FAM120B: variants seen among roughly 807,000 people sequenced by gnomAD.
The protein encoded by FAM120B is family with sequence similarity 120 member B, also known as constitutive coactivator of peroxisome proliferator-activated receptor gamma.
Under a neutral mutation model 96.3 loss-of-function variants are expected in FAM120B, and 83 were observed. The ratio of observed to expected loss-of-function variants is 0.86; its 90% CI spans 0.72 to 1.03. The LOEUF is 1.03. FAM120B is among the 50% of genes least tolerant of loss of function. The pLI, the probability that FAM120B is intolerant of heterozygous loss-of-function variation, is 0.00. For missense variants in FAM120B, 1,027 were observed against 1,121.2 expected (o/e 0.92, Z 1.20); for synonymous variants, 407 against 402.7 (o/e 1.01, Z -0.13).
intron 4 of FAM120B, among the ~76,000 whole-genome samples, chr6:170,334,547 G>GGTGTGTGTGT (rs10560646): frequency 1.5e-4 from 22 of 149,794 alleles, no homozygotes; most frequent in East Asian, 1.2e-3. Context: ...AAAGGAAGCT[G>GGTGTGTGTGT]GTGTGTGTGT....
At position 170,318,927 on chromosome 6, in the gene FAM120B, G is replaced by A. The variant is rs766907261; in HGVS notation, c.1537G>A (p.Asp513Asn). Residue 513 changes from aspartate to asparagine, a missense_variant, in exon 2 of 11, where the codon GAT (aspartate) becomes AAT (asparagine). Physicochemically the swap from Asp to Asn is conservative, Grantham distance 23 (BLOSUM62 1). Transcript: ENST00000476287. ...CAAACAGGAAGTTCCCATATGTACA[G>A]ATCCTATATCCAAGCAAGAAGACTC... ...ESKQEVPICT[D>N]PISKQEDSMC... is the part of the protein sequence containing the mutation. 1 of 1,614,216 alleles carries A rather than the reference G, an allele frequency of 6.2e-7. No individual in the cohort carries two copies. The highest frequency in any genetic ancestry group is 1.1e-5 in the South Asian group (1 of 91,090).
intron 6 of FAM120B, among the ~76,000 whole-genome samples, chr6:170,387,620 T>C (rs1229644935): frequency 1.3e-5 from 2 of 152,196 alleles, no homozygotes; most frequent in African/African-American, 4.8e-5. Context: ...TCAAGGTAAA[T>C]TTGACAGTGA....
chr6:170,291,206 A>G (rs1783861879), upstream of FAM120B: 12 of 595,492 alleles, frequency 2.0e-5, no homozygotes, highest in Non-Finnish European at 3.7e-5. Flanking sequence ...ACATTCCTGC[A>G]AAATGTTCAC....
chr6:170,327,055 T>C (rs73034924), intron 3 of FAM120B, among the ~76,000 whole-genome samples: 19,618 of 151,002 alleles, frequency 0.13, 1,440 homozygotes, highest in East Asian at 0.31. Context: ...AAACTTGAAT[T>C]TTTTTTTTTG....
At chr6:170,400,460 C>A (rs12212754) in intron 9 of FAM120B, among the ~76,000 whole-genome samples, 4 of 151,930 alleles carry the variant, frequency 2.6e-5, no homozygotes, top group Admixed American at 1.3e-4. Flanking sequence ...CTTCCAGAGG[C>A]GGCCTGCTGT....
chr6:170,312,506 T>A (rs1208991317), intron 1 of FAM120B, among the ~76,000 whole-genome samples: 1 of 152,190 alleles, frequency 6.6e-6, no homozygotes, highest in African/African-American at 2.4e-5. Context: ...GCAGTTAGAA[T>A]CTGGACTGTT....
intron 4 of FAM120B, among the ~76,000 whole-genome samples, chr6:170,337,249 T>C (rs1424502684): frequency 1.3e-5 from 2 of 152,238 alleles, no homozygotes; most frequent in Non-Finnish European, 2.9e-5. Flanking sequence ...TGAAGGGCTG[T>C]TGAATTTTAT....
intron 6 of FAM120B, among the ~76,000 whole-genome samples, chr6:170,374,770 G>T (rs1328486799): frequency 2.0e-5 from 3 of 152,224 alleles, no homozygotes; most frequent in Admixed American, 2.0e-4. Flanking sequence ...TCTGTTAGAT[G>T]AACGGGTGAT....
chr6:170,403,171 T>C (rs1015751408), intron 9 of FAM120B, among the ~76,000 whole-genome samples: 1 of 152,208 alleles, frequency 6.6e-6, no homozygotes, highest in Non-Finnish European at 1.5e-5. Flanking sequence ...AAAAGTGATA[T>C]TAGTGGTGCC....
intron 5 of FAM120B, among the ~76,000 whole-genome samples, chr6:170,349,723 G>A (rs1787450575): frequency 6.6e-6 from 1 of 152,230 alleles, no homozygotes; most frequent in Non-Finnish European, 1.5e-5. Context: ...ATGAATCCAA[G>A]AGGCTGATTA....
chr6:170,355,055 T>G (rs959408654), intron 5 of FAM120B, among the ~76,000 whole-genome samples: 2 of 152,152 alleles, frequency 1.3e-5, no homozygotes, highest in Admixed American at 1.3e-4. Context: ...AGAATGGCTA[T>G]TATTAAAAAG....
intron 5 of FAM120B, among the ~76,000 whole-genome samples, chr6:170,351,922 C>G (rs1040776998): frequency 3.9e-5 from 6 of 152,146 alleles, no homozygotes; most frequent in African/African-American, 1.4e-4. Flanking sequence ...ATGACAGGAT[C>G]AAATTCACAC....
upstream of FAM120B, among the ~76,000 whole-genome samples, chr6:170,292,259 A>G (rs1783898774): frequency 1.3e-5 from 2 of 152,144 alleles, no homozygotes; most frequent in Non-Finnish European, 2.9e-5. The surrounding 1 kb of genome is among the most constrained non-coding windows in gnomAD (Gnocchi z 6.6). Context: ...AAGGGAAATG[A>G]GTTTATTGGG....
chr6:170,338,737 C>T (rs1262211610), intron 4 of FAM120B, among the ~76,000 whole-genome samples: 2 of 151,828 alleles, frequency 1.3e-5, no homozygotes, highest in African/African-American at 4.8e-5. Context: ...AGGATAGCTA[C>T]CTCTTCTTGT....
chr6:170,302,648 T>G (rs1784166280), upstream of FAM120B, among the ~76,000 whole-genome samples: 1 of 152,250 alleles, frequency 6.6e-6, no homozygotes, highest in South Asian at 2.1e-4. Context: ...AGCTTTTTCC[T>G]CTGCATTAAC....
intron 1 of FAM120B, among the ~76,000 whole-genome samples, chr6:170,301,028 G>A (rs1439060993): frequency 6.6e-6 from 1 of 152,228 alleles, no homozygotes; most frequent in Non-Finnish European, 1.5e-5. Flanking sequence ...AGCTCCATTA[G>A]GTGGTGTGCC....
chr6:170,307,818 C>G (rs1409972121), intron 1 of FAM120B, among the ~76,000 whole-genome samples: 5 of 152,030 alleles, frequency 3.3e-5, no homozygotes, highest in African/African-American at 1.2e-4. Context: ...GACTGGAAAC[C>G]CCGAAATGGT....
chr6:170,335,892 T>C (rs971883248), intron 4 of FAM120B, among the ~76,000 whole-genome samples: 1 of 152,244 alleles, frequency 6.6e-6, no homozygotes, highest in Non-Finnish European at 1.5e-5. Context: ...CATCCACTTT[T>C]TGATGGGGTT....
chr6:170,319,143 C>T lies in FAM120B; in HGVS notation c.1734+19C>T, dbSNP rs7774272. ...CTTAAAGGTATGTGTATCTGCCCAG[C>T]CAATATGCCATGATTGAAAATATAT... On this transcript the variant is annotated intron_variant, in intron 2 of 10. Coordinates refer to ENST00000476287, the MANE Select transcript of FAM120B (RefSeq NM_032448.3). 6.6e-6 allele frequency: 10 copies of T among 1,523,676 alleles called. No homozygotes were observed. Among genetic ancestry groups the T allele is most frequent in the Non-Finnish European group, 8.7e-6 (10 of 1,144,560 alleles). The allele number at this position is 1,523,676 out of a possible 1,614,324, so 94.4% of individuals were successfully genotyped here. A position where few individuals can be genotyped will look rare whatever the true frequency, so the allele number is the denominator to read the frequency against.
Sources: allele counts gnomAD v4.1 joint callset (sites outside exome capture counted in the v4.1 genomes callset), GRCh38; gene constraint gnomAD v4.1.1; non-coding constraint Gnocchi (gnomAD v3.1); transcripts MANE v1.5; gene names NCBI Gene and HGNC (gene_info 2026-07-23, HGNC 2026-07-21).